The following MRPS24 variants were observed in gnomAD, a reference collection of about 807,000 sequenced individuals.
MRPS24 encodes small ribosomal subunit protein uS3m.
MRPS24 carries 15 observed loss-of-function variants against 21.8 expected under a neutral mutation model. The ratio of observed to expected loss-of-function variants is 0.69; its 90% CI spans 0.46 to 1.06. The LOEUF (loss-of-function observed/expected upper bound fraction) is 1.06. Among genes scored for constraint, MRPS24 ranks in the 50% least tolerant of loss-of-function variants. MRPS24 has a pLI of 0.00. For missense variants in MRPS24, 224 were observed against 219.1 expected, an observed-to-expected ratio of 1.02 and a Z score of -0.14; for synonymous variants, 93 against 93.7, an observed-to-expected ratio of 0.99 and a Z score of 0.04.
Position 43,869,184 on chromosome 7 carries a change from C to T in MRPS24, c.109-110G>A. On this transcript the variant is annotated intron_variant, in intron 2 of 3. Transcript: ENST00000317534. This position sits in a 1 kb window ranked among gnomAD's most constrained non-coding sequence, Gnocchi z 4.8. The stretch of plus-strand genomic sequence containing the variant: ...GTTCCCCGGCCCCAATCCCCTGATC[C>T]CTAAGCCCCGACCCTAGCCCCGCCT... The T allele has an allele frequency of 6.8e-7, 1 of 1,480,472 alleles. No individual in the cohort carries two copies. The highest frequency in any genetic ancestry group is 2.4e-4 in the Middle Eastern group (1 of 4,110). The allele number at this position is 1,480,472 out of a possible 1,614,324, so 91.7% of individuals were successfully genotyped here. A position where few individuals can be genotyped will look rare whatever the true frequency, so the allele number is the denominator to read the frequency against.
chr7:43,869,156 A>C lies in MRPS24; in HGVS notation c.109-82T>G. ...CGCCATGTCCCCCCAGTCAGCTGGC[A>C]CTGTTCCCCGGCCCCAATCCCCTGA... On this transcript the variant is annotated intron_variant, in intron 2 of 3. Transcript: ENST00000317534. The surrounding 1 kb of genome is among the most constrained non-coding windows in gnomAD (Gnocchi z 4.8). 1 of 1,506,654 alleles carries C rather than the reference A, an allele frequency of 6.6e-7. No homozygotes were observed. The highest frequency in any genetic ancestry group is 8.8e-7 in the Non-Finnish European group (1 of 1,130,082). 93.3% of individuals were successfully genotyped at this position (1,506,654 alleles called of 1,614,324 possible). A position where few individuals can be genotyped will look rare whatever the true frequency, so the allele number is the denominator to read the frequency against.
Position 43,869,259 on chromosome 7 carries a change from C to CGGCCCCCGG in MRPS24, c.108+48_108+49insCCGGGGGCC. 1 of 1,448,352 alleles carries CGGCCCCCGG rather than the reference C, an allele frequency of 6.9e-7. No homozygotes were observed. Among genetic ancestry groups the CGGCCCCCGG allele is most frequent in the Non-Finnish European group, 9.1e-7 (1 of 1,095,586 alleles). 89.7% of individuals were successfully genotyped at this position (1,448,352 alleles called of 1,614,324 possible). A position where few individuals can be genotyped will look rare whatever the true frequency, so the allele number is the denominator to read the frequency against. On this transcript the variant is annotated intron_variant, in intron 2 of 3. Transcript: ENST00000317534. The surrounding 1 kb of genome is among the most constrained non-coding windows in gnomAD (Gnocchi z 4.8). ...CAGCCCGCACGGCTTCCCCGGCCCC[C>CGGCCCCCGG]GGCCCCCCGGCCCCCAGGCCCCCAG...
In MRPS24 at chr7:43,869,203, C is replaced by A. The variant is rs1009330933; in HGVS notation, c.108+105G>T. 3.4e-6 allele frequency: 5 copies of A among 1,471,668 alleles called. No individual in the cohort carries two copies. In the East Asian group the frequency reaches 7.4e-5, roughly 22 times the overall value. 91.2% of individuals were successfully genotyped at this position (1,471,668 alleles called of 1,614,324 possible). A position where few individuals can be genotyped will look rare whatever the true frequency, so the allele number is the denominator to read the frequency against. The stretch of plus-strand genomic sequence containing the variant: ...CTGATCCCTAAGCCCCGACCCTAGC[C>A]CCGCCTCGGACCCCAGCGACACGCC... On this transcript the variant is annotated intron_variant, in intron 2 of 3. Coordinates refer to ENST00000317534, the MANE Select transcript of MRPS24 (RefSeq NM_032014.3). The surrounding 1 kb of genome is among the most constrained non-coding windows in gnomAD (Gnocchi z 4.8).
rs144323321 is a variant in MRPS24 at position 43,866,758 on chromosome 7, A to G, written c.445T>C (p.Cys149Arg). ...GTTTGGAGGTGGAGTCGCACAGGACATTTGTAAAAGTAGGACAGCAAAGTT... is the reference window on the plus strand; with the variant it reads ...GTTTGGAGGTGGAGTCGCACAGGACGTTTGTAAAAGTAGGACAGCAAAGTT... Reference protein sequence around the residue: ...SETLLSYFYKCPVRLHLQTVP... With the variant: ...SETLLSYFYKRPVRLHLQTVP... Residue 149 changes from cysteine to arginine, a missense_variant, in exon 4 of 4, where the codon TGT (cysteine) becomes CGT (arginine). By Grantham distance (180) the Cys-to-Arg change is radical (BLOSUM62 -3). Coordinates refer to ENST00000317534, the MANE Select transcript of MRPS24 (RefSeq NM_032014.3). The G allele has an allele frequency of 3.7e-5, 60 of 1,614,230 alleles. No homozygotes were observed. In the African/African-American group the frequency reaches 7.1e-4, roughly 19 times the overall value.
rs778162259 is a variant in MRPS24, at chr7:43,869,345, GC to G, written c.70del (p.Ala24LeufsTer21). 1 of 1,547,544 alleles carries G rather than the reference GC, an allele frequency of 6.5e-7. No homozygotes were observed. The highest frequency in any genetic ancestry group is 8.7e-7 in the Non-Finnish European group (1 of 1,146,050). On this transcript the variant is annotated frameshift_variant, in exon 2 of 4. Coordinates refer to ENST00000317534, the MANE Select transcript of MRPS24 (RefSeq NM_032014.3). LOFTEE classifies it high-confidence loss of function. This position sits in a 1 kb window ranked among gnomAD's most constrained non-coding sequence, Gnocchi z 4.8. ...VLSWSRELPC[A>X]WRALHTSPVC... is the part of the protein sequence containing the mutation. Reference sequence around the variant, plus strand: ...CGGGGAGGTGTGCAGGGCGCGCCAAGCGCAAGGCAGCTCTCGGCTCCAGGAC... The same window carrying G: ...CGGGGAGGTGTGCAGGGCGCGCCAAGGCAAGGCAGCTCTCGGCTCCAGGAC...
At position 43,869,029 on chromosome 7, in the gene MRPS24, T is replaced by A. The variant is rs2095838625; in HGVS notation, c.154A>T (p.Thr52Ser). ...TGCGGCGCGTGTGCCTCCTCGTAGG[T>A]CACCGGCTTGTCCCCCTTGCTTACG... The part of the protein sequence containing the change: ...VRVSKGDKPV[T>S]YEEAHAPHYI... The change falls in exon 3 of 4, where the codon ACC becomes TCC. Residue 52 changes from threonine (T) to serine (S), a missense_variant. Thr to Ser is a moderately conservative substitution (Grantham distance 58, BLOSUM62 1). Coordinates refer to ENST00000317534, the MANE Select transcript of MRPS24 (RefSeq NM_032014.3). The surrounding 1 kb of genome is among the most constrained non-coding windows in gnomAD (Gnocchi z 4.8). The A allele has an allele frequency of 6.2e-7, 1 of 1,613,938 alleles. No individual in the cohort carries two copies. The highest frequency in any genetic ancestry group is 1.3e-5 in the African/African-American group (1 of 75,032).
rs2095836523 is a variant in MRPS24, at chr7:43,866,637, C to A, written c.*62G>T. 1 of 1,569,440 alleles carries A rather than the reference C, an allele frequency of 6.4e-7. No homozygotes were observed. The highest frequency in any genetic ancestry group is 1.3e-5 in the African/African-American group (1 of 74,200). On this transcript the variant is annotated 3_prime_UTR_variant, in exon 4 of 4. Transcript: ENST00000317534. ...GAGGGGATGCATTTCCCCCACATAC[C>A]ATTCCTTTCCCACGTTTCCATTCTC... is the stretch of plus-strand genomic sequence containing the variant.
chr7:43,866,603 C>T lies in MRPS24; in HGVS notation c.*96G>A, dbSNP rs927315279. On this transcript the variant is annotated 3_prime_UTR_variant, in exon 4 of 4. Coordinates refer to ENST00000317534, the MANE Select transcript of MRPS24 (RefSeq NM_032014.3). ...CAATAGCAGATGAGAGACTATGCCT[C>T]AGTCCTCTGAGGGGATGCATTTCCC... 39 of 1,382,570 alleles carry T rather than the reference C, an allele frequency of 2.8e-5. No homozygotes were observed. Among genetic ancestry groups the T allele is most frequent in the Non-Finnish European group, 3.7e-5 (37 of 997,774 alleles). 85.6% of individuals were successfully genotyped at this position (1,382,570 alleles called of 1,614,324 possible).
intron 3 of MRPS24, chr7:43,868,546 T>G (rs2095838271): frequency 6.4e-6 from 1 of 157,352 alleles, no homozygotes; most frequent in South Asian, 2.0e-4. Context: ...GAGAAAAATT[T>G]GTGCTTTAGT....
At chr7:43,867,087 AC>A (rs2095837017) in intron 3 of MRPS24, 105 bp from the exon 4 acceptor site, 8 of 1,143,934 alleles carry the variant, frequency 7.0e-6, no homozygotes, top group African/African-American at 1.6e-5. Context: ...CCCACCCTTC[AC>A]CCCCAGCCTC....
rs202034025 is a variant in MRPS24 at position 43,866,839 on chromosome 7, C to A, written c.364G>T (p.Val122Leu). 6.2e-7 allele frequency: 1 copy of A among 1,614,226 alleles called. No homozygotes were observed. The highest frequency in any genetic ancestry group is 1.1e-5 in the South Asian group (1 of 91,086). ...TGTGGAGACAACTGCCTCAGGACCA[C>A]GGCACAGATCTCCAACTGGTTACCC... Reference protein sequence around the residue: ...RRGNQLEICAVVLRQLSPHKY... With the variant: ...RRGNQLEICALVLRQLSPHKY... Residue 122 changes from valine (V) to leucine (L), a missense_variant, in exon 4 of 4, where the codon GTG becomes TTG. By Grantham distance (32) the Val-to-Leu change is conservative (BLOSUM62 1). Transcript: ENST00000317534.
Position 43,866,700 on chromosome 7 carries a change from T to C in MRPS24, c.503A>G (p.Ter168TrpextTer10). 6.2e-7 allele frequency: 1 copy of C among 1,614,110 alleles called. No homozygotes were observed. Among genetic ancestry groups the C allele is most frequent in the South Asian group, 1.1e-5 (1 of 91,084 alleles). The change falls in exon 4 of 4, where the codon TAG (stop) becomes TGG (tryptophan). Residue 168 changes from the stop codon to tryptophan, a stop_lost. Coordinates refer to ENST00000317534, the MANE Select transcript of MRPS24 (RefSeq NM_032014.3). ...VPSKVVYKYL[*>W] Reference sequence around the variant, plus strand: ...CTTGATGGAAAAAAGGGGATTGTTCTAGAGGTACTTATACACAACCTTTGA... The same window carrying C: ...CTTGATGGAAAAAAGGGGATTGTTCCAGAGGTACTTATACACAACCTTTGA...
intron 3 of MRPS24, among the ~76,000 whole-genome samples, chr7:43,867,197 T>C (rs1250773076): frequency 6.6e-6 from 1 of 152,250 alleles, no homozygotes; most frequent in African/African-American, 2.4e-5. Context: ...TAGTAGGTAT[T>C]ATCATTATCC....
chr7:43,866,968 C>G lies in MRPS24; in HGVS notation c.235G>C (p.Glu79Gln), dbSNP rs2095836894. ...ACCGTTCGCTCTGCGGCATGGTCCT[C>G]TCCATCCAGGTTACCTGAAGAGGGA... ...LSLHTGNLDG[E>Q]DHAAERTVED... Residue 79 changes from glutamate (E) to glutamine (Q), a missense_variant, in exon 4 of 4, where the codon GAG becomes CAG. By Grantham distance (29) the Glu-to-Gln change is conservative (BLOSUM62 2). Coordinates refer to ENST00000317534, the MANE Select transcript of MRPS24 (RefSeq NM_032014.3). 1 of 1,614,124 alleles carries G rather than the reference C, an allele frequency of 6.2e-7. No homozygotes were observed. Among genetic ancestry groups the G allele is most frequent in the Admixed American group, 1.7e-5 (1 of 60,030 alleles).
intron 3 of MRPS24, among the ~76,000 whole-genome samples, chr7:43,867,249 A>T (rs534294681): frequency 6.6e-6 from 1 of 152,346 alleles, no homozygotes; most frequent in African/African-American, 2.4e-5. Flanking sequence ...GTCAGGGTAC[A>T]AAACTCAAGA....
At chr7:43,867,325 A>G (rs941805327) in intron 3 of MRPS24, among the ~76,000 whole-genome samples, 4 of 152,010 alleles carry the variant, frequency 2.6e-5, no homozygotes, top group African/African-American at 9.7e-5. Flanking sequence ...TGGTCATCCC[A>G]TGGGCCAGAA....
Position 43,869,056 on chromosome 7 carries a change from G to C in MRPS24, c.127C>G (p.Arg43Gly), listed in dbSNP as rs1563572142. 6.2e-7 allele frequency: 1 copy of C among 1,613,084 alleles called. No individual in the cohort carries two copies. Among genetic ancestry groups the C allele is most frequent in the South Asian group, 1.1e-5 (1 of 91,072 alleles). The change falls in exon 3 of 4, where the codon CGC becomes GGC. Residue 43 changes from arginine (R) to glycine (G), a missense_variant. Coordinates refer to ENST00000317534, the MANE Select transcript of MRPS24 (RefSeq NM_032014.3). The surrounding 1 kb of genome is among the most constrained non-coding windows in gnomAD (Gnocchi z 4.8). ...VCAKNRAARV[R>G]VSKGDKPVTY... is the part of the protein sequence containing the mutation. ...ACCGGCTTGTCCCCCTTGCTTACGC[G>C]TACTCGGGCCGCCCGGTTCTAGGAG... is the stretch of plus-strand genomic sequence containing the variant.
Position 43,869,049 on chromosome 7 carries a change from C to T in MRPS24, c.134G>A (p.Ser45Asn), listed in dbSNP as rs908533897. 6.2e-7 allele frequency: 1 copy of T among 1,613,432 alleles called. No homozygotes were observed. Among genetic ancestry groups the T allele is most frequent in the Non-Finnish European group, 8.5e-7 (1 of 1,180,004 alleles). Residue 45 changes from serine to asparagine, a missense_variant, in exon 3 of 4, where the codon AGC (serine) becomes AAC (asparagine). Coordinates refer to ENST00000317534, the MANE Select transcript of MRPS24 (RefSeq NM_032014.3). The surrounding 1 kb of genome is among the most constrained non-coding windows in gnomAD (Gnocchi z 4.8). ...GTAGGTCACCGGCTTGTCCCCCTTG[C>T]TTACGCGTACTCGGGCCGCCCGGTT... ...AKNRAARVRVSKGDKPVTYEE... is the reference protein window; with the variant it reads ...AKNRAARVRVNKGDKPVTYEE...
At chr7:43,868,757 A>T in intron 3 of MRPS24, 1 of 556,940 alleles carries the variant, frequency 1.8e-6, no homozygotes, top group South Asian at 3.0e-5. Flanking sequence ...GCCATGGAAA[A>T]AGTCAGTTTT....
Sources: allele counts gnomAD v4.1 joint callset (sites outside exome capture counted in the v4.1 genomes callset), GRCh38; gene constraint gnomAD v4.1.1; non-coding constraint Gnocchi (gnomAD v3.1); transcripts MANE v1.5; gene names NCBI Gene and HGNC (gene_info 2026-07-23, HGNC 2026-07-21).